The following C3orf62 variants were observed in gnomAD, a reference collection of about 807,000 sequenced individuals.
C3orf62 encodes the protein uncharacterized protein C3orf62.
C3orf62 carries 16 observed loss-of-function variants against 21.7 expected under a neutral mutation model. The observed-to-expected ratio is 0.74, with a 90% confidence interval of 0.50 to 1.12. C3orf62 has a LOEUF of 1.12. Among genes scored for constraint, C3orf62 ranks in the 50% most tolerant of loss-of-function variants. C3orf62 has a pLI of 0.00. For missense variants in C3orf62, 310 were observed against 318.8 expected, an observed-to-expected ratio of 0.97 and a Z score of 0.21; for synonymous variants, 114 against 117.0, an observed-to-expected ratio of 0.97 and a Z score of 0.17.
rs566596215 is a variant in C3orf62 at position 49,269,228 on chromosome 3, T to C, written c.*1952A>G. The C allele has an allele frequency of 1.3e-5, 2 of 152,310 alleles. No homozygotes were observed. The highest frequency in any genetic ancestry group is 4.8e-5 in the African/African-American group (2 of 41,568). 9.4% of individuals were successfully genotyped at this position (152,310 alleles called of 1,614,324 possible). A position where few individuals can be genotyped will look rare whatever the true frequency, so the allele number is the denominator to read the frequency against. ...TCTCATGACATATACATGACATCAC[T>C]TGGTTAGGTGTCTGCCAGGCTTCCC... On this transcript the variant is annotated 3_prime_UTR_variant, in exon 3 of 3. Transcript: ENST00000343010.
intron 2 of C3orf62, among the ~76,000 whole-genome samples, chr3:49,271,927 A>AC (rs1187615209): frequency 6.0e-5 from 9 of 149,668 alleles, no homozygotes; most frequent in African/African-American, 2.2e-4. Flanking sequence ...AAAAAAAACA[A>AC]AAAAAAAAAA....
At position 49,269,680 on chromosome 3, in the gene C3orf62, C is replaced by G. The variant is rs1483604283; in HGVS notation, c.*1500G>C. 2 of 152,242 alleles carry G rather than the reference C, an allele frequency of 1.3e-5. No homozygotes were observed. The highest frequency in any genetic ancestry group is 4.8e-5 in the African/African-American group (2 of 41,434). 9.4% of individuals were successfully genotyped at this position (152,242 alleles called of 1,614,324 possible). A position where few individuals can be genotyped will look rare whatever the true frequency, so the allele number is the denominator to read the frequency against. On this transcript the variant is annotated 3_prime_UTR_variant, in exon 3 of 3. Coordinates refer to ENST00000343010, the MANE Select transcript of C3orf62 (RefSeq NM_198562.3). Reference sequence around the variant, plus strand: ...AGTTAGCCTTAACCTCAACTCCTGCCCCAGGCAGGGCAGTGGCAGTGGCCA... The same window carrying G: ...AGTTAGCCTTAACCTCAACTCCTGCGCCAGGCAGGGCAGTGGCAGTGGCCA...
intron 1 of C3orf62, among the ~76,000 whole-genome samples, chr3:49,275,146 C>T (rs1356987978): frequency 6.6e-6 from 1 of 151,186 alleles, no homozygotes; most frequent in African/African-American, 2.4e-5. Flanking sequence ...TGGAGTCTTG[C>T]TCTGTTGCCC....
intron 1 of C3orf62, among the ~76,000 whole-genome samples, chr3:49,275,429 T>G (rs1000050116): frequency 6.7e-6 from 1 of 149,772 alleles, no homozygotes; most frequent in African/African-American, 2.5e-5. Flanking sequence ...TTTGTGGAGT[T>G]GAAAGGAAAA....
intron 2 of C3orf62, among the ~76,000 whole-genome samples, chr3:49,271,661 T>G (rs1045066865): frequency 6.6e-6 from 1 of 152,042 alleles, no homozygotes; most frequent in South Asian, 2.1e-4. Context: ...TCCAACTATA[T>G]GCCAGTCCCC....
At position 49,276,631 on chromosome 3, in the gene C3orf62, G is replaced by T; in HGVS notation, c.242C>A (p.Ala81Asp). ...AACSSAAPFA[A>D]VPCAPENENP... The stretch of plus-strand genomic sequence containing the variant: ...CTCATTCTCAGGAGCACATGGGACA[G>T]CAGCAAAAGGAGCAGCAGAAGAGCA... Residue 81 changes from alanine to aspartate, a missense_variant, in exon 1 of 3, where the codon GCT (alanine) becomes GAT (aspartate). Transcript: ENST00000343010. 1 of 1,614,212 alleles carries T rather than the reference G, an allele frequency of 6.2e-7. No homozygotes were observed. The highest frequency in any genetic ancestry group is 8.5e-7 in the Non-Finnish European group (1 of 1,180,050).
chr3:49,273,989 C>T (rs756671873), intron 2 of C3orf62, 60 bp downstream of exon 2: 22 of 1,220,980 alleles, frequency 1.8e-5, no homozygotes, highest in Non-Finnish European at 2.3e-5. Context: ...TTTGCTGACT[C>T]AGACCCATGT....
intron 1 of C3orf62, among the ~76,000 whole-genome samples, chr3:49,275,387 G>A (rs2046945387): frequency 6.6e-6 from 1 of 151,418 alleles, no homozygotes; most frequent in South Asian, 2.1e-4. Flanking sequence ...ACCCGGCAAG[G>A]CCTGCACTGC....
At position 49,270,898 on chromosome 3, in the gene C3orf62, A is replaced by G; in HGVS notation, c.*282T>C. 1 of 355,812 alleles carries G rather than the reference A, an allele frequency of 2.8e-6. No individual in the cohort carries two copies. The highest frequency in any genetic ancestry group is 5.1e-6 in the Non-Finnish European group (1 of 195,842). 22.0% of individuals were successfully genotyped at this position (355,812 alleles called of 1,614,324 possible). A position where few individuals can be genotyped will look rare whatever the true frequency, so the allele number is the denominator to read the frequency against. ...CAGAGGCCCATGACCCACACCTACC[A>G]TGGGTACTGGGTATATTGAACATCA... On this transcript the variant is annotated 3_prime_UTR_variant, in exon 3 of 3. Coordinates refer to ENST00000343010, the MANE Select transcript of C3orf62 (RefSeq NM_198562.3).
At chr3:49,271,968 C>T (rs943272893) in intron 2 of C3orf62, among the ~76,000 whole-genome samples, 1 of 150,778 alleles carries the variant, frequency 6.6e-6, no homozygotes, top group African/African-American at 2.4e-5. Context: ...TGGTGAAAGC[C>T]AAGGAAGATG....
At chr3:49,273,702 C>G (rs71324944) in intron 2 of C3orf62, among the ~76,000 whole-genome samples, 160 of 151,974 alleles carry the variant, frequency 1.1e-3, no homozygotes, top group Non-Finnish European at 1.9e-3. Context: ...GTCCCCCAGG[C>G]TGGAGTGCAG....
rs1182601263 is a variant in C3orf62, at chr3:49,269,663, T to C, written c.*1517A>G. ...GCCTGGAAGGAGCCTGTAGTTAGCCTTAACCTCAACTCCTGCCCCAGGCAG... is the reference window on the plus strand; with the variant it reads ...GCCTGGAAGGAGCCTGTAGTTAGCCCTAACCTCAACTCCTGCCCCAGGCAG... On this transcript the variant is annotated 3_prime_UTR_variant, in exon 3 of 3. Coordinates refer to ENST00000343010, the MANE Select transcript of C3orf62 (RefSeq NM_198562.3). The C allele has an allele frequency of 6.6e-6, 1 of 152,266 alleles. No homozygotes were observed. The highest frequency in any genetic ancestry group is 2.4e-5 in the African/African-American group (1 of 41,470). 9.4% of individuals were successfully genotyped at this position (152,266 alleles called of 1,614,324 possible). A position where few individuals can be genotyped will look rare whatever the true frequency, so the allele number is the denominator to read the frequency against.
chr3:49,273,967 A>G, intron 2 of C3orf62, 82 bp downstream of exon 2: 7 of 992,284 alleles, frequency 7.1e-6, no homozygotes, highest in South Asian at 2.6e-5. Context: ...AGCATTTCTT[A>G]TATCTGAGAT....
rs1305398361 is a variant in C3orf62 at position 49,277,171 on chromosome 3, C to T, written c.-299G>A. The T allele has an allele frequency of 3.6e-6, 5 of 1,394,808 alleles. No homozygotes were observed. The highest frequency in any genetic ancestry group is 3.6e-5 in the East Asian group (1 of 28,060). The allele number at this position is 1,394,808 out of a possible 1,614,324, so 86.4% of individuals were successfully genotyped here. On this transcript the variant is annotated 5_prime_UTR_variant, in exon 1 of 3. In the 5' UTR this introduces an upstream ATG that the reference lacks. Coordinates refer to ENST00000343010, the MANE Select transcript of C3orf62 (RefSeq NM_198562.3). ...CCCCCCTTTGGCGAGTCGGCAGCCACGTCCTTGTCCTCACCCGCAGCGCAG... is the reference window on the plus strand; with the variant it reads ...CCCCCCTTTGGCGAGTCGGCAGCCATGTCCTTGTCCTCACCCGCAGCGCAG...
chr3:49,271,930 A>AC (rs1179090634), intron 2 of C3orf62, among the ~76,000 whole-genome samples: 22 of 151,080 alleles, frequency 1.5e-4, no homozygotes, highest in Non-Finnish European at 2.8e-4. Context: ...AAAAACAAAA[A>AC]AAAAAAACAA....
chr3:49,276,896 T>C lies in C3orf62; in HGVS notation c.-24A>G, dbSNP rs1339444650. 1 of 1,586,280 alleles carries C rather than the reference T, an allele frequency of 6.3e-7. No homozygotes were observed. Among genetic ancestry groups the C allele is most frequent in the Non-Finnish European group, 8.6e-7 (1 of 1,166,094 alleles). On this transcript the variant is annotated 5_prime_UTR_variant, in exon 1 of 3. Coordinates refer to ENST00000343010, the MANE Select transcript of C3orf62 (RefSeq NM_198562.3). Reference sequence around the variant, plus strand: ...ATTGGAAATGCACAGGACAACACAATAATGTTACAAATGAGGCTGCAAACT... The same window carrying C: ...ATTGGAAATGCACAGGACAACACAACAATGTTACAAATGAGGCTGCAAACT...
rs749838727 is a variant in C3orf62 at position 49,271,204 on chromosome 3, C to T, written c.780G>A (p.Thr260=). ...CTTACTCAATTTGGTATTTAAAAGA[C>T]GTCATCACATTGTAGTCCTCTTCCA... is the stretch of plus-strand genomic sequence containing the variant. The part of the protein sequence containing the change: ...LDLEEDYNVM[T]SFKYQIE Residue 260 remains threonine, a synonymous_variant, in exon 3 of 3, where the codon ACG becomes ACA. Transcript: ENST00000343010. The T allele has an allele frequency of 2.0e-5, 33 of 1,613,290 alleles. No homozygotes were observed. The highest frequency in any genetic ancestry group is 1.9e-4 in the South Asian group (17 of 91,076).
intron 2 of C3orf62, 49 bp from the exon 3 acceptor site, chr3:49,271,494 A>G: frequency 3.2e-6 from 5 of 1,578,628 alleles, no homozygotes; most frequent in Non-Finnish European, 4.3e-6. Context: ...AAGGTTTCTG[A>G]AGACATTTCA....
chr3:49,275,809 T>C (rs961354746), intron 1 of C3orf62, among the ~76,000 whole-genome samples: 1 of 151,834 alleles, frequency 6.6e-6, no homozygotes, highest in Admixed American at 6.6e-5. Flanking sequence ...GGATTACAAG[T>C]GTGAGCCACC....
Sources: gnomAD v4.1 joint callset for allele counts (sites outside exome capture counted in the v4.1 genomes callset) on GRCh38, gnomAD v4.1.1 for gene constraint, MANE v1.5 for transcripts, NCBI Gene and HGNC (gene_info 2026-07-23, HGNC 2026-07-21) for gene names.